The following RBMS3 variants were observed in gnomAD, a reference collection of about 807,000 sequenced individuals.
RBMS3 encodes the protein RNA-binding motif, single-stranded-interacting protein 3.
RBMS3 carries 27 observed loss-of-function variants against 66.8 expected under a neutral mutation model. That is an observed-to-expected ratio of 0.40 (90% CI 0.30 to 0.56). The LOEUF is 0.56. Among genes scored for constraint, RBMS3 ranks in the 20% least tolerant of loss-of-function variants. The pLI, the probability that RBMS3 is intolerant of heterozygous loss-of-function variation, is 0.40. For missense variants in RBMS3, 513 were observed against 549.5 expected (o/e 0.93, Z 0.66); for synonymous variants, 188 against 183.0 (o/e 1.03, Z -0.22).
At chr3:29,377,065 G>A (rs72851300) in intron 1 of RBMS3, among the ~76,000 whole-genome samples, 3,026 of 151,730 alleles carry the variant, frequency 0.02, 98 homozygotes, top group African/African-American at 0.069. Flanking sequence ...CTATAGCCTC[G>A]GTGACAAGAG....
At chr3:29,320,919 T>C (rs896579494) in intron 1 of RBMS3, among the ~76,000 whole-genome samples, 1 of 151,456 alleles carries the variant, frequency 6.6e-6, no homozygotes, top group African/African-American at 2.4e-5. Context: ...GTACTCTGTT[T>C]TTAAGATTTG....
intron 3 of RBMS3, among the ~76,000 whole-genome samples, chr3:29,563,503 A>G (rs1187421134): frequency 6.6e-6 from 1 of 152,190 alleles, no homozygotes; most frequent in African/African-American, 2.4e-5. Context: ...AACCAGTTTC[A>G]GGCAATTCTT....
chr3:29,372,338 GA>G (rs1054852586), intron 1 of RBMS3, among the ~76,000 whole-genome samples: 1 of 151,732 alleles, frequency 6.6e-6, no homozygotes, highest in Non-Finnish European at 1.5e-5. Context: ...CAAAAAAAAA[GA>G]AAAAAGTTTA....
chr3:29,983,549 G>A lies in RBMS3; in HGVS notation c.1099-4594G>A, dbSNP rs184094829. On this transcript the variant is annotated intron_variant, in intron 12 of 14. Transcript: ENST00000383767. The stretch of plus-strand genomic sequence containing the variant: ...ATTTGATATATTTTTGCAGTGGCTG[G>A]TGCCAGTTTTTCCTTTCCATATTTA... Among the ~76,000 whole-genome samples the A allele has an allele frequency of 4.7e-3, 712 of 152,136 alleles. 3 individuals are homozygous for A. Among genetic ancestry groups the A allele is most frequent in the African/African-American group, 0.016 (679 of 41,496 alleles).
intron 4 of RBMS3, among the ~76,000 whole-genome samples, chr3:29,689,882 C>G (rs1184503503): frequency 9.4e-6 from 1 of 106,676 alleles, no homozygotes; most frequent in African/African-American, 3.5e-5. Context: ...GAGTTTGAGA[C>G]CAGATTCAGC....
intron 1 of RBMS3, among the ~76,000 whole-genome samples, chr3:29,376,673 C>T (rs7612538): frequency 0.035 from 5,368 of 152,080 alleles, 229 homozygotes; most frequent in East Asian, 0.2. Flanking sequence ...TTTGGGAGGC[C>T]GAGGTGAGCG....
chr3:29,727,622 G>A (rs1007036121), intron 4 of RBMS3, among the ~76,000 whole-genome samples: 11 of 152,156 alleles, frequency 7.2e-5, no homozygotes, highest in Non-Finnish European at 1.6e-4. Context: ...ATCATCACTG[G>A]TCATTAGAGA....
intron 6 of RBMS3, among the ~76,000 whole-genome samples, chr3:29,839,985 A>T (rs1164786782): frequency 6.6e-6 from 1 of 152,056 alleles, no homozygotes; most frequent in Non-Finnish European, 1.5e-5. Context: ...TTTGAAGATT[A>T]TGCAGGAATA....
chr3:29,668,841 A>G (rs547175619), intron 4 of RBMS3, among the ~76,000 whole-genome samples: 1 of 152,372 alleles, frequency 6.6e-6, no homozygotes, highest in Admixed American at 6.5e-5. Context: ...TTTTGAAAGA[A>G]AATCTGAGGA....
At chr3:29,373,619 A>G (rs1229467811) in intron 1 of RBMS3, among the ~76,000 whole-genome samples, 1 of 152,168 alleles carries the variant, frequency 6.6e-6, no homozygotes, top group Non-Finnish European at 1.5e-5. Context: ...TTTGTGCTAG[A>G]GACTGGGAAA....
At chr3:29,391,861 G>A (rs749216701) in intron 1 of RBMS3, among the ~76,000 whole-genome samples, 2 of 152,104 alleles carry the variant, frequency 1.3e-5, no homozygotes, top group South Asian at 2.1e-4. Context: ...AATGGAAACC[G>A]ATGACATGCA....
intron 6 of RBMS3, among the ~76,000 whole-genome samples, chr3:29,807,011 A>G (rs1016057311): frequency 2.0e-5 from 3 of 151,922 alleles, no homozygotes; most frequent in African/African-American, 7.2e-5. Flanking sequence ...TACTTTGACT[A>G]TATGCATTAT....
intron 8 of RBMS3, among the ~76,000 whole-genome samples, chr3:29,892,828 TATG>T (rs1294059831): frequency 2.9e-5 from 4 of 137,908 alleles, no homozygotes; most frequent in African/African-American, 1.1e-4. Flanking sequence ...TGTATGTATG[TATG>T]TATGTATGTA....
intron 2 of RBMS3, among the ~76,000 whole-genome samples, chr3:29,456,413 A>G (rs1470586142): frequency 6.6e-6 from 1 of 152,174 alleles, no homozygotes; most frequent in East Asian, 1.9e-4. Flanking sequence ...ATATCTGCAC[A>G]ATGGATTCAC....
intron 1 of RBMS3, among the ~76,000 whole-genome samples, chr3:29,315,869 A>G (rs946425214): frequency 1.3e-5 from 2 of 151,778 alleles, no homozygotes; most frequent in Admixed American, 1.3e-4. Context: ...TCACTGACAC[A>G]GCTCTACTGA....
chr3:29,359,678 G>A (rs1177398336), intron 1 of RBMS3, among the ~76,000 whole-genome samples: 2 of 152,106 alleles, frequency 1.3e-5, no homozygotes, highest in Non-Finnish European at 2.9e-5. Flanking sequence ...TCTGGTCCTG[G>A]ACTTTTTTTG....
At chr3:29,680,370 T>C (rs2051435442) in intron 4 of RBMS3, among the ~76,000 whole-genome samples, 1 of 152,216 alleles carries the variant, frequency 6.6e-6, no homozygotes, top group South Asian at 2.1e-4. Context: ...GTGATGAGCA[T>C]AGCGAGTTCT....
intron 3 of RBMS3, among the ~76,000 whole-genome samples, chr3:29,566,501 A>C (rs560027502): frequency 6.6e-6 from 1 of 152,046 alleles, no homozygotes; most frequent in African/African-American, 2.4e-5. Flanking sequence ...CAGTGTCTCC[A>C]CTTTGGTCAA....
At chr3:29,368,296 T>C (rs2038014568) in intron 1 of RBMS3, among the ~76,000 whole-genome samples, 1 of 152,170 alleles carries the variant, frequency 6.6e-6, no homozygotes, top group African/African-American at 2.4e-5. Flanking sequence ...ATCCTATTAG[T>C]ACTTAGCCTG....
Sources: allele counts gnomAD v4.1 joint callset (sites outside exome capture counted in the v4.1 genomes callset), GRCh38; gene constraint gnomAD v4.1.1; transcripts MANE v1.5; gene names NCBI Gene and HGNC (gene_info 2026-07-23, HGNC 2026-07-21).